HS3ST3B1: variants seen among roughly 807,000 people sequenced by gnomAD.
HS3ST3B1 encodes heparan sulfate-glucosamine 3-sulfotransferase 3B1.
HS3ST3B1 carries 13 observed loss-of-function variants against 21.3 expected under a neutral mutation model. That is an observed-to-expected ratio of 0.61 (90% CI 0.40 to 0.97). The LOEUF (loss-of-function observed/expected upper bound fraction) is 0.97. Ranked by LOEUF, HS3ST3B1 falls within the 50% of genes least tolerant of loss-of-function variation. HS3ST3B1 has a pLI of 0.00. For synonymous variants in HS3ST3B1, 234 were observed against 254.8 expected (o/e 0.92, Z 0.78); for missense variants, 459 against 554.8 (o/e 0.83, Z 1.73).
chr17:14,338,159 T>C (rs1910245924), intron 1 of HS3ST3B1, among the ~76,000 whole-genome samples: 1 of 151,814 alleles, frequency 6.6e-6, no homozygotes, highest in Non-Finnish European at 1.5e-5. Context: ...CGGAGTCTTG[T>C]TCTGTCACCA....
Position 14,345,670 on chromosome 17 carries a change from C to T in HS3ST3B1, c.*24C>T. 1 of 1,602,602 alleles carries T rather than the reference C, an allele frequency of 6.2e-7. No homozygotes were observed. The highest frequency in any genetic ancestry group is 1.7e-4 in the Middle Eastern group (1 of 6,000). On this transcript the variant is annotated 3_prime_UTR_variant, in exon 2 of 2. Coordinates refer to ENST00000360954, the MANE Select transcript of HS3ST3B1 (RefSeq NM_006041.3). ...GAGCAGACCCGGGCTATGTACCTTA[C>T]CCACGTGGCTTATCTATTGACAGAG...
intron 1 of HS3ST3B1, among the ~76,000 whole-genome samples, chr17:14,342,354 T>G (rs1910414817): frequency 6.6e-6 from 1 of 152,214 alleles, no homozygotes; most frequent in Admixed American, 6.5e-5. Flanking sequence ...GTATCTAGAA[T>G]AATAGCAGGC....
intron 1 of HS3ST3B1, among the ~76,000 whole-genome samples, chr17:14,315,443 G>A (rs760969947): frequency 9.9e-5 from 15 of 152,142 alleles, no homozygotes; most frequent in Admixed American, 1.3e-4. Flanking sequence ...TTCCTCTCAG[G>A]TTTTGCATGT....
chr17:14,309,463 G>A (rs952267226), intron 1 of HS3ST3B1, among the ~76,000 whole-genome samples: 2 of 152,164 alleles, frequency 1.3e-5, no homozygotes, highest in Non-Finnish European at 2.9e-5. Flanking sequence ...GGCGGGACCC[G>A]TCTTCGCGCT....
At chr17:14,331,554 AGAG>A (rs1910012315) in intron 1 of HS3ST3B1, among the ~76,000 whole-genome samples, 3 of 152,124 alleles carry the variant, frequency 2.0e-5, no homozygotes, top group Admixed American at 2.0e-4. Context: ...AGGGCCTGGA[AGAG>A]GAGGAGGGCT....
intron 1 of HS3ST3B1, among the ~76,000 whole-genome samples, chr17:14,324,272 C>T (rs1332258719): frequency 6.6e-6 from 1 of 152,224 alleles, no homozygotes; most frequent in Non-Finnish European, 1.5e-5. Context: ...ACTGCTACTT[C>T]TGTGGGTGAA....
intron 1 of HS3ST3B1, among the ~76,000 whole-genome samples, chr17:14,315,097 G>A (rs898052726): frequency 3.9e-5 from 6 of 151,960 alleles, no homozygotes; most frequent in Non-Finnish European, 5.9e-5. Context: ...TTCTTTGATC[G>A]GATTCCCCAG....
chr17:14,334,372 C>T (rs1910126200), intron 1 of HS3ST3B1, among the ~76,000 whole-genome samples: 1 of 151,712 alleles, frequency 6.6e-6, no homozygotes, highest in African/African-American at 2.4e-5. Context: ...GATATGGTCT[C>T]ACTATGTGGC....
At chr17:14,320,633 T>C (rs1172301610) in intron 1 of HS3ST3B1, among the ~76,000 whole-genome samples, 1 of 152,106 alleles carries the variant, frequency 6.6e-6, no homozygotes, top group African/African-American at 2.4e-5. Context: ...CTTTTGCTGG[T>C]GATCAGAAAA....
intron 1 of HS3ST3B1, among the ~76,000 whole-genome samples, chr17:14,330,176 G>T (rs1225425817): frequency 6.6e-6 from 1 of 152,114 alleles, no homozygotes; most frequent in African/African-American, 2.4e-5. Flanking sequence ...CACCTCCTGG[G>T]GGTGGTCTGT....
At position 14,346,718 on chromosome 17, in the gene HS3ST3B1, T is replaced by G. The variant is rs1215270092; in HGVS notation, c.*1072T>G. 1.4e-4 allele frequency: 22 copies of G among 152,236 alleles called. No individual in the cohort carries two copies. Among genetic ancestry groups the G allele is most frequent in the Non-Finnish European group, 5.9e-5 (4 of 68,086 alleles). 9.4% of individuals were successfully genotyped at this position (152,236 alleles called of 1,614,324 possible). A position where few individuals can be genotyped will look rare whatever the true frequency, so the allele number is the denominator to read the frequency against. ...AGGTCACATGTGTGAGATGCCTGGGTGCTGCTTCAGAAATCAAGATGATCT... is the reference window on the plus strand; with the variant it reads ...AGGTCACATGTGTGAGATGCCTGGGGGCTGCTTCAGAAATCAAGATGATCT... On this transcript the variant is annotated 3_prime_UTR_variant, in exon 2 of 2. Coordinates refer to ENST00000360954, the MANE Select transcript of HS3ST3B1 (RefSeq NM_006041.3).
intron 1 of HS3ST3B1, among the ~76,000 whole-genome samples, chr17:14,325,987 A>G (rs1405169965): frequency 6.6e-6 from 1 of 152,096 alleles, no homozygotes; most frequent in Non-Finnish European, 1.5e-5. Flanking sequence ...TAGTAGATGG[A>G]TAGAGGTTAT....
At chr17:14,334,174 AT>A (rs1291769098) in intron 1 of HS3ST3B1, among the ~76,000 whole-genome samples, 1 of 152,204 alleles carries the variant, frequency 6.6e-6, no homozygotes, top group Non-Finnish European at 1.5e-5. Context: ...GGCAAAGAGA[AT>A]GACAAAAGTT....
chr17:14,303,961 C>T lies in HS3ST3B1; in HGVS notation c.554+1889C>T, dbSNP rs1447317051. 6.6e-6 allele frequency: 1 copy of T among 152,266 alleles called. No individual in the cohort carries two copies. Among genetic ancestry groups the T allele is most frequent in the Non-Finnish European group, 1.5e-5 (1 of 68,068 alleles). 9.4% of individuals were successfully genotyped at this position (152,266 alleles called of 1,614,324 possible). A position where few individuals can be genotyped will look rare whatever the true frequency, so the allele number is the denominator to read the frequency against. On this transcript the variant is annotated intron_variant, in intron 1 of 1. Transcript: ENST00000360954. The surrounding 1 kb of genome is among the most constrained non-coding windows in gnomAD (Gnocchi z 5.7). ...ACCTGGGGCAAGCTATGGAAATCCC[C>T]ACAGGAAGGCTCACGCAGTCTCTTA...
chr17:14,342,376 T>A (rs1220394108), intron 1 of HS3ST3B1, among the ~76,000 whole-genome samples: 1 of 152,204 alleles, frequency 6.6e-6, no homozygotes, highest in Non-Finnish European at 1.5e-5. Context: ...CCCAATAAAT[T>A]GTCCGACTTG....
intron 1 of HS3ST3B1, among the ~76,000 whole-genome samples, chr17:14,306,913 C>G (rs1909156093): frequency 2.0e-5 from 3 of 152,066 alleles, no homozygotes; most frequent in Admixed American, 1.3e-4. Context: ...ATTAGCAAGA[C>G]AGTGGAGCAT....
At chr17:14,320,217 T>G (rs910789148) in intron 1 of HS3ST3B1, among the ~76,000 whole-genome samples, 1 of 152,026 alleles carries the variant, frequency 6.6e-6, no homozygotes, top group African/African-American at 2.4e-5. Context: ...AAAACAGAAG[T>G]AGTTCAAAAA....
At chr17:14,327,483 A>G (rs1909853462) in intron 1 of HS3ST3B1, 2 of 152,214 alleles carry the variant, frequency 1.3e-5, no homozygotes, top group South Asian at 4.1e-4. Context: ...GTTTTTGCTT[A>G]GCATTTAAGT....
In HS3ST3B1 at chr17:14,337,859, C is replaced by T. The variant is rs79614357; in HGVS notation, c.555-7169C>T. ...CCCCCACGAAGGTGGACCTCTATAC[C>T]CACATAGTATCTCCACTTAGGTGCA... On this transcript the variant is annotated intron_variant, in intron 1 of 1. Transcript: ENST00000360954. 8.6e-5 allele frequency among the ~76,000 whole-genome samples: 13 copies of T among 151,766 alleles called. No homozygotes were observed. The East Asian group carries it at 2.1e-3, about 25-fold the overall frequency.
Sources: gnomAD v4.1 joint callset for allele counts (sites outside exome capture counted in the v4.1 genomes callset) on GRCh38, gnomAD v4.1.1 for gene constraint, Gnocchi (gnomAD v3.1) non-coding constraint, MANE v1.5 for transcripts, NCBI Gene and HGNC (gene_info 2026-07-23, HGNC 2026-07-21) for gene names.